SAMMSON: variants seen among roughly 807,000 people sequenced by gnomAD.
The protein encoded by SAMMSON is survival associated mitochondrial melanoma specific oncogenic non-coding RNA.
chr3:70,164,923 A>G (rs1456060126), intron 4 of SAMMSON, among the ~76,000 whole-genome samples: 4 of 152,074 alleles, frequency 2.6e-5, no homozygotes, highest in African/African-American at 4.8e-5. Context: ...GCTTCTTTGC[A>G]TTATTGAATT....
At chr3:70,300,256 C>T (rs911765006) in intron 7 of SAMMSON, among the ~76,000 whole-genome samples, 1 of 152,102 alleles carries the variant, frequency 6.6e-6, no homozygotes, top group African/African-American at 2.4e-5. Context: ...GAGTAAACAA[C>T]AATCTAATAC....
chr3:70,191,920 A>G (rs4632511), intron 4 of SAMMSON, among the ~76,000 whole-genome samples: 6 of 151,152 alleles, frequency 4.0e-5, no homozygotes, highest in Non-Finnish European at 8.8e-5. Flanking sequence ...AATAAAATCT[A>G]CTTTAGACGG....
intron 3 of SAMMSON, among the ~76,000 whole-genome samples, chr3:70,034,293 A>T (rs1253307270): frequency 2.0e-5 from 3 of 152,218 alleles, no homozygotes; most frequent in African/African-American, 4.8e-5. Context: ...ATGTATGTGT[A>T]TGAAGTTTGA....
chr3:70,411,529 A>G (rs17007232), intron 2 of SAMMSON, among the ~76,000 whole-genome samples: 38,806 of 152,098 alleles, frequency 0.26, 5,092 homozygotes, highest in East Asian at 0.33. Context: ...ACTGGGTATC[A>G]CAATGATATG....
chr3:70,187,483 G>C (rs930797325), intron 4 of SAMMSON, among the ~76,000 whole-genome samples: 1 of 134,766 alleles, frequency 7.4e-6, no homozygotes, highest in Non-Finnish European at 1.5e-5. Flanking sequence ...TGTCGCCCAG[G>C]CTGGAGTGCA....
intron 2 of SAMMSON, among the ~76,000 whole-genome samples, chr3:70,415,822 A>T (rs1182331919): frequency 6.6e-6 from 1 of 152,156 alleles, no homozygotes; most frequent in Non-Finnish European, 1.5e-5. Flanking sequence ...CATGTTGTTA[A>T]ATGTTGGACA....
At chr3:70,113,878 A>G (rs964880510) in intron 4 of SAMMSON, among the ~76,000 whole-genome samples, 1 of 152,146 alleles carries the variant, frequency 6.6e-6, no homozygotes, top group African/African-American at 2.4e-5. Context: ...CAGCCATGTG[A>G]GTGCACAGTG....
intron 6 of SAMMSON, among the ~76,000 whole-genome samples, chr3:70,277,347 C>T (rs1315151652): frequency 6.6e-6 from 1 of 152,138 alleles, no homozygotes; most frequent in Non-Finnish European, 1.5e-5. Context: ...ACGGAAATAT[C>T]TGTTATTTGA....
intron 4 of SAMMSON, chr3:70,125,772 C>CT (rs1030619681): frequency 3.1e-6 from 2 of 655,588 alleles, no homozygotes; most frequent in Non-Finnish European, 5.4e-6. Flanking sequence ...TTATTTTTCT[C>CT]TTTTTTCTCA....
chr3:70,354,939 A>G (rs2106736742), intron 8 of SAMMSON, among the ~76,000 whole-genome samples: 1 of 152,190 alleles, frequency 6.6e-6, no homozygotes, highest in African/African-American at 2.4e-5. Flanking sequence ...ACTTTTAATC[A>G]CATCTTGGTT....
chr3:70,217,288 T>A (rs927353231), intron 4 of SAMMSON, among the ~76,000 whole-genome samples: 1 of 152,186 alleles, frequency 6.6e-6, no homozygotes, highest in Non-Finnish European at 1.5e-5. Flanking sequence ...AGATAGTTTC[T>A]ATTTTTTGAT....
intron 2 of SAMMSON, among the ~76,000 whole-genome samples, chr3:70,430,000 T>C (rs1701401084): frequency 6.6e-6 from 1 of 152,214 alleles, no homozygotes; most frequent in Non-Finnish European, 1.5e-5. Context: ...CTTCCAATAC[T>C]ATGTTGAATA....
chr3:70,273,291 C>G (rs1356884023), intron 6 of SAMMSON, among the ~76,000 whole-genome samples: 1 of 152,202 alleles, frequency 6.6e-6, no homozygotes, highest in Admixed American at 6.5e-5. Context: ...TCAACAATTT[C>G]TCTGAAGACT....
chr3:70,375,915 T>C (rs1323301811), intron 9 of SAMMSON, among the ~76,000 whole-genome samples: 1 of 152,172 alleles, frequency 6.6e-6, no homozygotes, highest in Admixed American at 6.5e-5. Context: ...TATACATGTC[T>C]CTGGGTTACA....
intron 3 of SAMMSON, among the ~76,000 whole-genome samples, chr3:70,032,170 GAT>G (rs1436176133): frequency 2.6e-5 from 4 of 152,104 alleles, no homozygotes; most frequent in Non-Finnish European, 4.4e-5. Context: ...CTGTTATTTT[GAT>G]CAGCCAATTA....
At chr3:70,176,179 G>A (rs1365555359) in intron 4 of SAMMSON, among the ~76,000 whole-genome samples, 1 of 152,050 alleles carries the variant, frequency 6.6e-6, no homozygotes, top group East Asian at 1.9e-4. Context: ...TGGTGGCATT[G>A]AGGACCAGGC....
chr3:70,071,384 T>A (rs2067228775), intron 3 of SAMMSON: 1 of 152,156 alleles, frequency 6.6e-6, no homozygotes, highest in Non-Finnish European at 1.5e-5. Context: ...TGAAAGGTTG[T>A]CTGCATATGC....
chr3:70,376,224 G>A (rs190792761), intron 9 of SAMMSON, among the ~76,000 whole-genome samples: 5 of 152,276 alleles, frequency 3.3e-5, no homozygotes, highest in East Asian at 1.9e-4. Context: ...ATCAAAATAC[G>A]TTCTAGAGAA....
At chr3:70,340,710 G>A (rs1253647153) in intron 7 of SAMMSON, among the ~76,000 whole-genome samples, 1 of 152,004 alleles carries the variant, frequency 6.6e-6, no homozygotes, top group Non-Finnish European at 1.5e-5. Flanking sequence ...ATTATTGGGG[G>A]ACTTAAATGC....
Sources: gnomAD v4.1 joint callset for allele counts (sites outside exome capture counted in the v4.1 genomes callset) on GRCh38, gnomAD v4.1.1 for gene constraint, MANE v1.5 for transcripts, NCBI Gene and HGNC (gene_info 2026-07-23, HGNC 2026-07-21) for gene names.